Variants in VWA3B observed in about 807,000 individuals in gnomAD.
The protein encoded by VWA3B is von Willebrand factor A domain containing 3B, also known as von Willebrand factor A domain-containing protein 3B.
VWA3B carries 138 observed loss-of-function variants against 158.3 expected under a neutral mutation model. The observed-to-expected ratio is 0.87, with a 90% confidence interval of 0.76 to 1.00. VWA3B has a LOEUF of 1.00. VWA3B is among the 50% of genes least tolerant of loss of function. The pLI is 0.00. For missense variants in VWA3B, 1,555 were observed against 1,565.1 expected (o/e 0.99, Z 0.11); for synonymous variants, 596 against 587.3 (o/e 1.01, Z -0.21).
At chr2:98,279,630 C>T (rs78983773) in intron 22 of VWA3B, among the ~76,000 whole-genome samples, 1 of 152,314 alleles carries the variant, frequency 6.6e-6, no homozygotes, top group African/African-American at 2.4e-5. Flanking sequence ...TGGGATATTG[C>T]AGGACCCCAG....
rs777081173 is a variant in VWA3B, at chr2:98,194,493, G to A, written c.1737+1G>A. ...TCAGTCCTGGATTAGAGACATAAAG[G>A]TAAGTTGGAGACTAAGCTGGGAGAA... On this transcript the variant is annotated splice_donor_variant, in intron 12 of 27. Coordinates refer to ENST00000477737, the MANE Select transcript of VWA3B (RefSeq NM_144992.5). LOFTEE classifies it high-confidence loss of function. 14 of 1,613,590 alleles carry A rather than the reference G, an allele frequency of 8.7e-6. No individual in the cohort carries two copies. In the South Asian group the frequency reaches 1.2e-4, roughly 14 times the overall value.
intron 19 of VWA3B, among the ~76,000 whole-genome samples, chr2:98,249,249 C>T (rs1398898622): frequency 1.3e-5 from 2 of 152,092 alleles, no homozygotes; most frequent in Non-Finnish European, 2.9e-5. Context: ...TGAGGGCACA[C>T]TGTGTGCCAG....
At chr2:98,251,541 A>G (rs1410464535) in intron 20 of VWA3B, among the ~76,000 whole-genome samples, 1 of 152,132 alleles carries the variant, frequency 6.6e-6, no homozygotes, top group Non-Finnish European at 1.5e-5. Context: ...AAACTTAATT[A>G]AACTCTGAGC....
At chr2:98,328,643 A>G in the VWA3B span, among the ~76,000 whole-genome samples, 1 of 152,206 alleles carries the variant, frequency 6.6e-6, no homozygotes, top group African/African-American at 2.4e-5. Context: ...GCCAAAGAAG[A>G]ACCTCTACCT....
At chr2:98,282,251 G>A (rs756560583) in intron 22 of VWA3B, among the ~76,000 whole-genome samples, 9 of 151,526 alleles carry the variant, frequency 5.9e-5, no homozygotes, top group Non-Finnish European at 8.8e-5. Context: ...TTATACTGAA[G>A]CTGGCCATTG....
chr2:98,117,100 A>G (rs1176664820), intron 3 of VWA3B, among the ~76,000 whole-genome samples: 6 of 152,070 alleles, frequency 3.9e-5, no homozygotes, highest in African/African-American at 1.2e-4. Context: ...CCTCAATTCA[A>G]TGTCATTTCA....
intron 8 of VWA3B, among the ~76,000 whole-genome samples, chr2:98,166,479 G>A (rs1679082941): frequency 6.6e-6 from 1 of 152,216 alleles, no homozygotes; most frequent in African/African-American, 2.4e-5. Flanking sequence ...GCACATGGAG[G>A]AAAGGTCGTG....
chr2:98,231,933 A>G (rs535809423), intron 16 of VWA3B, among the ~76,000 whole-genome samples: 1 of 152,272 alleles, frequency 6.6e-6, no homozygotes, highest in African/African-American at 2.4e-5. Flanking sequence ...AGTTCATGAA[A>G]GCTATTGATC....
chr2:98,143,124 C>T (rs1676910222), intron 7 of VWA3B, among the ~76,000 whole-genome samples: 1 of 152,168 alleles, frequency 6.6e-6, no homozygotes, highest in Non-Finnish European at 1.5e-5. Context: ...ACTGCAACCT[C>T]CATCTCCTGG....
chr2:98,127,865 C>T (rs1216538235), intron 5 of VWA3B, among the ~76,000 whole-genome samples: 1 of 152,152 alleles, frequency 6.6e-6, no homozygotes, highest in Non-Finnish European at 1.5e-5. Context: ...GGCACTGCCG[C>T]GGGCAATGGC....
At chr2:98,128,890 C>T (rs1321058827) in intron 6 of VWA3B, among the ~76,000 whole-genome samples, 1 of 152,258 alleles carries the variant, frequency 6.6e-6, no homozygotes, top group African/African-American at 2.4e-5. Context: ...CCCTTGGAAT[C>T]CACACTAAAG....
At chr2:98,257,431 G>T (rs1425713682) in intron 21 of VWA3B, among the ~76,000 whole-genome samples, 1 of 152,054 alleles carries the variant, frequency 6.6e-6, no homozygotes, top group Non-Finnish European at 1.5e-5. Flanking sequence ...TGAGGGTGCA[G>T]GTGTCCCTAT....
chr2:98,173,790 A>C (rs1352841282), intron 8 of VWA3B, among the ~76,000 whole-genome samples: 2 of 152,162 alleles, frequency 1.3e-5, no homozygotes, highest in African/African-American at 4.8e-5. Flanking sequence ...ACACTGTGAA[A>C]TCCCATCTTT....
At chr2:98,149,980 T>C (rs1677492406) in intron 7 of VWA3B, among the ~76,000 whole-genome samples, 1 of 152,240 alleles carries the variant, frequency 6.6e-6, no homozygotes, top group African/African-American at 2.4e-5. Flanking sequence ...TGAATCTTCA[T>C]TTCTTATAAT....
At chr2:98,327,011 T>G in the VWA3B span, among the ~76,000 whole-genome samples, 29 of 145,694 alleles carry the variant, frequency 2.0e-4, no homozygotes, top group East Asian at 4.2e-3. Flanking sequence ...AAAAAAAAAG[T>G]AGGCCAGGTG....
intron 22 of VWA3B, among the ~76,000 whole-genome samples, chr2:98,284,064 A>G (rs1689031866): frequency 6.6e-6 from 1 of 152,236 alleles, no homozygotes; most frequent in South Asian, 2.1e-4. Context: ...TGATTGCCTC[A>G]GCAAATGTGC....
chr2:98,297,849 C>A (rs1689905461), intron 23 of VWA3B, 58 bp from the exon 24 acceptor site: 2 of 1,436,498 alleles, frequency 1.4e-6, no homozygotes, highest in East Asian at 5.3e-5. Flanking sequence ...ATGGCACAAG[C>A]CTAAGGGAAG....
At chr2:98,216,990 C>CCCCG (rs760409837) in intron 13 of VWA3B, 61 of 1,208,902 alleles carry the variant, frequency 5.0e-5, no homozygotes, top group Admixed American at 1.6e-4. Context: ...GCACCCGCCC[C>CCCCG]GCACCCAGTC....
chr2:98,262,038 T>C (rs1009438357), intron 21 of VWA3B, among the ~76,000 whole-genome samples: 1 of 151,840 alleles, frequency 6.6e-6, no homozygotes, highest in East Asian at 1.9e-4. Context: ...ATTTCTCTAA[T>C]TATTTTTTTA....
Sources: allele counts gnomAD v4.1 joint callset (sites outside exome capture counted in the v4.1 genomes callset), GRCh38; gene constraint gnomAD v4.1.1; transcripts MANE v1.5; gene names NCBI Gene and HGNC (gene_info 2026-07-23, HGNC 2026-07-21).